Variants in AHCY observed in about 807,000 individuals in gnomAD.
The protein encoded by AHCY is S-adenosyl-L-homocysteine hydrolase.
A neutral mutation model predicts 45.4 loss-of-function variants in AHCY; 24 were observed. The ratio of observed to expected loss-of-function variants is 0.53; its 90% confidence interval spans 0.38 to 0.74. AHCY has a LOEUF of 0.74. Ranked by LOEUF, AHCY falls within the 30% of genes least tolerant of loss-of-function variation. The pLI, the probability that AHCY is intolerant of heterozygous loss-of-function variation, is 0.00. For missense variants in AHCY, 449 were observed against 594.1 expected (o/e 0.76, Z 2.54); for synonymous variants, 245 against 235.1 (o/e 1.04, Z -0.39).
intron 2 of AHCY, 99 bp from the exon 3 acceptor site, chr20:34,294,255 G>A: frequency 9.1e-7 from 1 of 1,095,262 alleles, no homozygotes; most frequent in East Asian, 2.5e-5. Flanking sequence ...AGTGGGGAGA[G>A]GCTTGGGATC....
intron 9 of AHCY, 86 bp from the exon 10 acceptor site, chr20:34,281,251 T>C: frequency 6.3e-7 from 1 of 1,578,706 alleles, no homozygotes; most frequent in Admixed American, 1.7e-5. Context: ...GGCAGAAGTG[T>C]TCTGTTAGGG....
intron 1 of AHCY, 161 bp downstream of exon 1, chr20:34,303,082 G>C (rs1442239958): frequency 1.0e-6 from 1 of 984,836 alleles, no homozygotes; most frequent in African/African-American, 1.7e-5. Context: ...ATGGCCGCGC[G>C]AGAACTCCAA....
At chr20:34,295,697 G>A in intron 1 of AHCY, 112 bp from the exon 2 acceptor site, 1 of 1,099,932 alleles carries the variant, frequency 9.1e-7, no homozygotes. Context: ...CTAGGGCTTA[G>A]CACTCTGTCA....
rs922248798 is a variant in AHCY at position 34,302,596 on chromosome 20, G to A, written c.28+647C>T. Reference sequence around the variant, plus strand: ...ATCCCACAGGAAACACTAAGTAAACGTTAACTATCCCTGTATTACACTTCA... The same window carrying A: ...ATCCCACAGGAAACACTAAGTAAACATTAACTATCCCTGTATTACACTTCA... On this transcript the variant is annotated intron_variant, in intron 1 of 9. Transcript: ENST00000217426. 9 of 984,346 alleles carry A rather than the reference G, an allele frequency of 9.1e-6. No individual in the cohort carries two copies. In the South Asian group the frequency reaches 3.3e-4, roughly 36 times the overall value. The allele number at this position is 984,346 out of a possible 1,614,324, so 61.0% of individuals were successfully genotyped here.
chr20:34,295,218 TCACCA>T (rs1473731390), intron 2 of AHCY, 172 bp downstream of exon 2: 1 of 798,652 alleles, frequency 1.3e-6, no homozygotes, highest in African/African-American at 1.7e-5. Context: ...TGCAGAACAC[TCACCA>T]CAAGGGGTGG....
At chr20:34,303,140 C>T in intron 1 of AHCY, 103 bp downstream of exon 1, 2 of 1,527,250 alleles carry the variant, frequency 1.3e-6, no homozygotes, top group Non-Finnish European at 1.8e-6. Flanking sequence ...GCTGCGATTC[C>T]AGGGGGTCCA....
chr20:34,269,597 C>T, the AHCY span, among the ~76,000 whole-genome samples: 1 of 151,812 alleles, frequency 6.6e-6, no homozygotes, highest in African/African-American at 2.4e-5. Context: ...GCCTTTCAGT[C>T]TCACACATTT....
the AHCY span, among the ~76,000 whole-genome samples, chr20:34,262,103 A>AGTTG: frequency 3.9e-5 from 6 of 151,964 alleles, no homozygotes; most frequent in Non-Finnish European, 8.8e-5. Flanking sequence ...ACAGAGTGAG[A>AGTTG]CTCTGTCTCA....
At chr20:34,302,816 C>T in intron 1 of AHCY, 1 of 1,025,230 alleles carries the variant, frequency 9.8e-7, no homozygotes, top group Non-Finnish European at 1.2e-6. Flanking sequence ...GTGCCCTCGC[C>T]GTCCCTGTAG....
At chr20:34,295,167 G>A (rs2036529381) in intron 2 of AHCY, 1 of 644,246 alleles carries the variant, frequency 1.6e-6, no homozygotes, top group African/African-American at 1.8e-5. Flanking sequence ...AGGATGCCTT[G>A]AGGGTAGCCA....
intron 4 of AHCY, 107 bp downstream of exon 4, chr20:34,292,251 C>G: frequency 1.4e-6 from 2 of 1,400,604 alleles, no homozygotes. Context: ...CTTCCAGATC[C>G]TGCTGCTTGA....
chr20:34,288,504 C>T (rs768956518), intron 8 of AHCY, among the ~76,000 whole-genome samples: 1 of 151,886 alleles, frequency 6.6e-6, no homozygotes, highest in Admixed American at 6.6e-5. Context: ...CTCGTCTCTA[C>T]AAAAAATAAA....
the AHCY span, among the ~76,000 whole-genome samples, chr20:34,251,952 C>T: frequency 2.0e-5 from 3 of 152,148 alleles, no homozygotes; most frequent in African/African-American, 7.2e-5. Flanking sequence ...TAGAAACCAC[C>T]CAGTCTATGA....
chr20:34,254,861 T>C, the AHCY span, among the ~76,000 whole-genome samples: 1 of 152,138 alleles, frequency 6.6e-6, no homozygotes, highest in Admixed American at 6.5e-5. Flanking sequence ...GTCTTTAACT[T>C]TCTCCCTATT....
chr20:34,248,859 C>T, the AHCY span, among the ~76,000 whole-genome samples: 4 of 151,296 alleles, frequency 2.6e-5, no homozygotes, highest in South Asian at 8.3e-4. Flanking sequence ...GAAGGGGATG[C>T]CACTCATTTG....
chr20:34,277,549 C>T (rs994382386), downstream of AHCY, among the ~76,000 whole-genome samples: 2 of 151,866 alleles, frequency 1.3e-5, no homozygotes, highest in Admixed American at 6.6e-5. Flanking sequence ...AGGCAGATCA[C>T]GAGGTCAGGA....
chr20:34,301,237 G>C (rs1367731680), intron 1 of AHCY, among the ~76,000 whole-genome samples: 3 of 152,066 alleles, frequency 2.0e-5, no homozygotes, highest in Non-Finnish European at 2.9e-5. Context: ...TCCTGGGAGG[G>C]GCCCGGCTGT....
the AHCY span, among the ~76,000 whole-genome samples, chr20:34,257,464 A>C: frequency 6.6e-6 from 1 of 152,222 alleles, no homozygotes; most frequent in Non-Finnish European, 1.5e-5. Flanking sequence ...TGGTCTTTTT[A>C]GCAACAATCA....
chr20:34,303,147 T>G, intron 1 of AHCY, 96 bp downstream of exon 1: 1 of 1,536,616 alleles, frequency 6.5e-7, no homozygotes. Flanking sequence ...TTCCAGGGGG[T>G]CCAGAGAGCC....
Sources: allele counts gnomAD v4.1 joint callset (sites outside exome capture counted in the v4.1 genomes callset), GRCh38; gene constraint gnomAD v4.1.1; transcripts MANE v1.5; gene names NCBI Gene and HGNC (gene_info 2026-07-23, HGNC 2026-07-21).